The following TOGARAM1 variants were observed in gnomAD, a reference collection of about 807,000 sequenced individuals.
The protein encoded by TOGARAM1 is TOG array regulator of axonemal microtubules protein 1.
Under a neutral mutation model 166.6 loss-of-function variants are expected in TOGARAM1, and 100 were observed. The ratio of observed to expected loss-of-function variants is 0.60; its 90% confidence interval spans 0.51 to 0.71. The LOEUF is 0.71. Ranked by LOEUF, TOGARAM1 falls within the 30% of genes least tolerant of loss-of-function variation. The pLI is 0.00. For missense variants in TOGARAM1, 2,029 were observed against 2,102.7 expected (o/e 0.96, Z 0.69); for synonymous variants, 758 against 763.8 (o/e 0.99, Z 0.13).
chr14:45,066,454 A>G, intron 16 of TOGARAM1, 124 bp from the exon 17 acceptor site: 1 of 824,786 alleles, frequency 1.2e-6, no homozygotes, highest in Non-Finnish European at 1.8e-6. Context: ...TGGGTTAGCC[A>G]CAGTTTTTTG....
In TOGARAM1 at chr14:45,027,368, G is replaced by A. The variant is rs1880913041; in HGVS notation, c.3398G>A (p.Gly1133Glu). ...SQSVISSVEN[G>E]DTFSIKQSIE... Reference sequence around the variant, plus strand: ...TCAGTGATATCTTCTGTGGAAAATGGGGATACATTTTCAATTAAACAAAGT... The same window carrying A: ...TCAGTGATATCTTCTGTGGAAAATGAGGATACATTTTCAATTAAACAAAGT... Residue 1133 changes from glycine to glutamate, a missense_variant, in exon 9 of 20, where the codon GGG (glycine) becomes GAG (glutamate). Gly to Glu is a moderately conservative substitution (Grantham distance 98). Around this residue, in one of 2 missense-constraint regions of TOGARAM1, gnomAD observed 1,453 missense variants for 1,432.2 expected, o/e 1.01. Transcript: ENST00000361462. The A allele has an allele frequency of 1.2e-6, 2 of 1,613,436 alleles. No individual in the cohort carries two copies. Among genetic ancestry groups the A allele is most frequent in the Non-Finnish European group, 1.7e-6 (2 of 1,179,668 alleles).
At chr14:45,047,685 T>A (rs1342470929) in intron 14 of TOGARAM1, among the ~76,000 whole-genome samples, 1 of 152,190 alleles carries the variant, frequency 6.6e-6, no homozygotes, top group African/African-American at 2.4e-5. Context: ...TGTTAGTCTC[T>A]GTTTCCTTGT....
intron 7 of TOGARAM1, among the ~76,000 whole-genome samples, chr14:45,014,741 T>C (rs1209153331): frequency 1.3e-5 from 2 of 152,236 alleles, no homozygotes; most frequent in Non-Finnish European, 2.9e-5. Context: ...TCTAGTATAT[T>C]AGATTAGTGT....
chr14:44,970,949 T>A (rs1338683195), intron 1 of TOGARAM1, among the ~76,000 whole-genome samples: 11 of 152,188 alleles, frequency 7.2e-5, no homozygotes, highest in Admixed American at 7.2e-4. Flanking sequence ...AATATTTTGT[T>A]GAGGATTTTC....
At chr14:44,988,452 A>G (rs547117153) in intron 1 of TOGARAM1, among the ~76,000 whole-genome samples, 3 of 152,270 alleles carry the variant, frequency 2.0e-5, no homozygotes, top group South Asian at 2.1e-4. Context: ...GAAATAACAA[A>G]TTTTTCTCTT....
chr14:45,004,848 A>G (rs370172553), intron 4 of TOGARAM1, among the ~76,000 whole-genome samples: 1 of 152,204 alleles, frequency 6.6e-6, no homozygotes, highest in Non-Finnish European at 1.5e-5. Flanking sequence ...TGTCATTCAT[A>G]TGCTTATTGC....
At chr14:45,035,248 TACTGGGGCG>T (rs2138927228) in intron 11 of TOGARAM1, among the ~76,000 whole-genome samples, 1 of 152,180 alleles carries the variant, frequency 6.6e-6, no homozygotes, top group South Asian at 2.1e-4. Flanking sequence ...TAGTCCCAGC[TACTGGGGCG>T]ACTGGGGCAG....
At chr14:45,008,178 G>A (rs1434571111) in intron 5 of TOGARAM1, 4 of 149,576 alleles carry the variant, frequency 2.7e-5, no homozygotes, top group African/African-American at 9.9e-5. Context: ...TCCTTAATTT[G>A]TTCAAAGTTT....
At chr14:45,008,464 G>A (rs1052178004) in intron 5 of TOGARAM1, among the ~76,000 whole-genome samples, 2 of 152,160 alleles carry the variant, frequency 1.3e-5, no homozygotes, top group African/African-American at 4.8e-5. Context: ...TTTAATACTT[G>A]CAAGCTTGAT....
intron 14 of TOGARAM1, among the ~76,000 whole-genome samples, chr14:45,051,009 G>C (rs1022172014): frequency 6.6e-6 from 1 of 152,116 alleles, no homozygotes; most frequent in Admixed American, 6.6e-5. Flanking sequence ...AAGATGAATA[G>C]TGTGGTACTA....
At chr14:45,029,774 G>A (rs534776075) in intron 10 of TOGARAM1, among the ~76,000 whole-genome samples, 2 of 152,100 alleles carry the variant, frequency 1.3e-5, no homozygotes, top group South Asian at 2.1e-4. Context: ...CACTTTTATT[G>A]TACTTTATAA....
intron 15 of TOGARAM1, among the ~76,000 whole-genome samples, chr14:45,053,807 G>C (rs1307247103): frequency 2.6e-5 from 4 of 152,030 alleles, no homozygotes; most frequent in African/African-American, 9.7e-5. Flanking sequence ...CAGTGTTTAT[G>C]GACTGTGTTC....
intron 1 of TOGARAM1, among the ~76,000 whole-genome samples, chr14:44,983,815 A>G (rs1594620703): frequency 1.3e-5 from 2 of 152,176 alleles, no homozygotes; most frequent in Non-Finnish European, 2.9e-5. Flanking sequence ...AGTTTTAAAA[A>G]CTTTTATTTT....
At chr14:45,049,782 A>G (rs1882269397) in intron 14 of TOGARAM1, among the ~76,000 whole-genome samples, 1 of 152,096 alleles carries the variant, frequency 6.6e-6, no homozygotes. Context: ...TTAGATCATT[A>G]TAGGCTAGTT....
At chr14:44,999,203 G>A (rs186619399) in intron 2 of TOGARAM1, among the ~76,000 whole-genome samples, 160 bp from the exon 3 acceptor site, 2 of 152,214 alleles carry the variant, frequency 1.3e-5, no homozygotes, top group African/African-American at 4.8e-5. Flanking sequence ...TGATTTTCTA[G>A]TATCAAAAGC....
At chr14:45,020,040 T>G (rs1027777828) in intron 7 of TOGARAM1, among the ~76,000 whole-genome samples, 2 of 152,136 alleles carry the variant, frequency 1.3e-5, no homozygotes, top group African/African-American at 4.8e-5. Flanking sequence ...TGAAGAGCCA[T>G]TTGTAGCTTT....
chr14:44,992,607 T>C (rs1414810522), intron 1 of TOGARAM1, among the ~76,000 whole-genome samples: 3 of 149,820 alleles, frequency 2.0e-5, no homozygotes, highest in African/African-American at 7.4e-5. Context: ...TAAATTTTTG[T>C]AATCTTTTTT....
intron 6 of TOGARAM1, among the ~76,000 whole-genome samples, chr14:45,009,735 G>C (rs1879682785): frequency 6.6e-6 from 1 of 152,150 alleles, no homozygotes; most frequent in South Asian, 2.1e-4. Context: ...AACTTTTTCA[G>C]ATTACTTCTG....
intron 1 of TOGARAM1, among the ~76,000 whole-genome samples, chr14:44,965,777 G>T (rs567003577): frequency 1.3e-5 from 2 of 151,658 alleles, no homozygotes; most frequent in African/African-American, 4.8e-5. Context: ...GAGACCCTAA[G>T]AATACCCCGA....
Sources: gnomAD v4.1 joint callset for allele counts (sites outside exome capture counted in the v4.1 genomes callset) on GRCh38, gnomAD v4.1.1 for gene constraint, gnomAD v4.1.1 regional missense constraint, MANE v1.5 for transcripts, NCBI Gene and HGNC (gene_info 2026-07-23, HGNC 2026-07-21) for gene names.